The following CHP1 variants were observed in gnomAD, a reference collection of about 807,000 sequenced individuals.
CHP1 encodes calcineurin like EF-hand protein 1, also known as calcineurin B homologous protein 1.
In CHP1, 11 loss-of-function variants were observed where a neutral mutation model predicts 27.4. The ratio of observed to expected loss-of-function variants is 0.40; its 90% CI spans 0.25 to 0.67. The LOEUF (loss-of-function observed/expected upper bound fraction) is 0.67, where lower values mean the gene tolerates loss of function less well. Among genes scored for constraint, CHP1 ranks in the 30% least tolerant of loss-of-function variants. The pLI is 0.38. For missense variants in CHP1, 169 were observed against 251.3 expected (o/e 0.67, Z 2.22); for synonymous variants, 89 against 87.4 (o/e 1.02, Z -0.10).
intron 5 of CHP1, among the ~76,000 whole-genome samples, chr15:41,274,786 CTTTG>C (rs1473138761): frequency 2.4e-5 from 3 of 127,312 alleles, no homozygotes; most frequent in Admixed American, 9.0e-5. Flanking sequence ...CTAGCATTGT[CTTTG>C]TTTTTTTTTT....
chr15:41,265,148 G>C (rs1391858746), intron 4 of CHP1, among the ~76,000 whole-genome samples: 9 of 151,712 alleles, frequency 5.9e-5, no homozygotes, highest in Non-Finnish European at 1.3e-4. Context: ...GATCACCTGA[G>C]GTCAGGAGTT....
intron 1 of CHP1, among the ~76,000 whole-genome samples, chr15:41,240,832 A>G (rs1327974050): frequency 6.6e-6 from 1 of 150,842 alleles, no homozygotes; most frequent in African/African-American, 2.4e-5. Context: ...TGTTTTTTTC[A>G]AAAAATCTTT....
At chr15:41,278,941 G>C in intron 6 of CHP1, 52 bp downstream of exon 6, 2 of 1,606,612 alleles carry the variant, frequency 1.2e-6, no homozygotes, top group South Asian at 1.1e-5. Context: ...GGCTGGGCGC[G>C]GTGGCTTACG....
intron 3 of CHP1, among the ~76,000 whole-genome samples, chr15:41,262,019 A>G (rs2047436081): frequency 6.8e-6 from 1 of 147,340 alleles, no homozygotes; most frequent in African/African-American, 2.5e-5. Flanking sequence ...AATACAAAAA[A>G]TTAGCCGGGC....
chr15:41,268,017 C>T (rs1567010721), intron 4 of CHP1, among the ~76,000 whole-genome samples: 5 of 151,606 alleles, frequency 3.3e-5, no homozygotes, highest in Admixed American at 2.0e-4. Context: ...AATGTTTGAG[C>T]ACCTACTACA....
In CHP1 at chr15:41,278,904, T is replaced by C. The variant is rs1433160145; in HGVS notation, c.534+15T>C. The C allele has an allele frequency of 6.2e-7, 1 of 1,613,734 alleles. No individual in the cohort carries two copies. The highest frequency in any genetic ancestry group is 8.5e-7 in the Non-Finnish European group (1 of 1,179,836). On this transcript the variant is annotated intron_variant, in intron 6 of 6. Coordinates refer to ENST00000334660, the MANE Select transcript of CHP1 (RefSeq NM_007236.5). Reference sequence around the variant, plus strand: ...AATTTGTTAAGGTTGGTCACTTACTTCTTGTTTGAAAAAGTTACGTTTTAG... The same window carrying C: ...AATTTGTTAAGGTTGGTCACTTACTCCTTGTTTGAAAAAGTTACGTTTTAG...
chr15:41,251,961 C>G (rs2047370703), intron 2 of CHP1, among the ~76,000 whole-genome samples: 1 of 151,972 alleles, frequency 6.6e-6, no homozygotes, highest in African/African-American at 2.4e-5. Flanking sequence ...AGGCTGGTCT[C>G]AAACTCCTGA....
intron 3 of CHP1, among the ~76,000 whole-genome samples, chr15:41,259,074 T>G (rs2047417994): frequency 6.6e-6 from 1 of 152,212 alleles, no homozygotes; most frequent in Non-Finnish European, 1.5e-5. Context: ...TGAACTGCCC[T>G]GTTTGTTTCA....
rs1294948387 is a variant in CHP1, at chr15:41,281,553, A to C, written c.*2164A>C. 1 of 152,682 alleles carries C rather than the reference A, an allele frequency of 6.5e-6. No homozygotes were observed. The allele number at this position is 152,682 out of a possible 1,614,324, so 9.5% of individuals were successfully genotyped here. On this transcript the variant is annotated 3_prime_UTR_variant, in exon 7 of 7. Transcript: ENST00000334660. ...GAAAACTATTGAAGATTGCTAAAAA[A>C]TACCACTGCAAAGTGATGGAAAAGG...
intron 2 of CHP1, 79 bp from the exon 3 acceptor site, chr15:41,256,831 C>T: frequency 8.8e-7 from 1 of 1,140,718 alleles, no homozygotes; most frequent in Admixed American, 1.7e-5. Flanking sequence ...TGCTAGGTTA[C>T]ACCCTGTTAC....
chr15:41,278,400 A>T (rs2047530149), intron 5 of CHP1, among the ~76,000 whole-genome samples: 1 of 151,484 alleles, frequency 6.6e-6, no homozygotes, highest in South Asian at 2.1e-4. Context: ...CAGGTTAGTT[A>T]TGTAGGTAAA....
chr15:41,237,935 CTT>C (rs971796286), intron 1 of CHP1, among the ~76,000 whole-genome samples: 3 of 152,136 alleles, frequency 2.0e-5, no homozygotes, highest in African/African-American at 7.2e-5. Context: ...ATCTTGATCT[CTT>C]GACCTCGTAA....
intron 1 of CHP1, chr15:41,234,323 C>G (rs1185970213): frequency 6.6e-6 from 1 of 152,068 alleles, no homozygotes; most frequent in Non-Finnish European, 1.5e-5. Context: ...AAACGGATAT[C>G]TGGAGTGGGT....
intron 1 of CHP1, among the ~76,000 whole-genome samples, chr15:41,237,146 C>CTT (rs1157143384): frequency 7.8e-6 from 1 of 127,788 alleles, no homozygotes; most frequent in Admixed American, 8.2e-5. Flanking sequence ...TTTTCTTTTT[C>CTT]TTTTTTTTTT....
chr15:41,255,424 G>C, intron 2 of CHP1, among the ~76,000 whole-genome samples: 1 of 152,174 alleles, frequency 6.6e-6, no homozygotes. Context: ...TGTAATCCCA[G>C]GACTTTGGGA....
Position 41,265,210 on chromosome 15 carries a change from A to C in CHP1, c.349+2327A>C, listed in dbSNP as rs1400752142. Reference sequence around the variant, plus strand: ...AACCCCATTTCTACAAAAATACAAAAAAAATTAGCCAGGCATAATGGTGGA... The same window carrying C: ...AACCCCATTTCTACAAAAATACAAACAAAATTAGCCAGGCATAATGGTGGA... On this transcript the variant is annotated intron_variant, in intron 4 of 6. Transcript: ENST00000334660. Among the ~76,000 whole-genome samples, 5 of 151,578 alleles carry C rather than the reference A, an allele frequency of 3.3e-5. No homozygotes were observed. In the South Asian group the frequency reaches 1.0e-3, roughly 32 times the overall value.
chr15:41,255,169 C>T (rs930825430), intron 2 of CHP1, among the ~76,000 whole-genome samples: 1 of 152,012 alleles, frequency 6.6e-6, no homozygotes, highest in African/African-American at 2.4e-5. Context: ...CCAATAATGT[C>T]CTTATAGCAG....
At chr15:41,240,761 A>T (rs1023993202) in intron 1 of CHP1, among the ~76,000 whole-genome samples, 4 of 151,980 alleles carry the variant, frequency 2.6e-5, no homozygotes, top group African/African-American at 4.8e-5. Context: ...CTCAAAAAAA[A>T]AAAAAAAAAA....
intron 1 of CHP1, among the ~76,000 whole-genome samples, chr15:41,237,304 G>A (rs2047282553): frequency 1.3e-5 from 2 of 151,632 alleles, no homozygotes; most frequent in South Asian, 2.1e-4. Context: ...GTGCCACCAC[G>A]CCTGGCTAAT....
Sources: allele counts gnomAD v4.1 joint callset (sites outside exome capture counted in the v4.1 genomes callset), GRCh38; gene constraint gnomAD v4.1.1; transcripts MANE v1.5; gene names NCBI Gene and HGNC (gene_info 2026-07-23, HGNC 2026-07-21).